The following EBAG9 variants were observed in gnomAD, a reference collection of about 807,000 sequenced individuals.
The protein encoded by EBAG9 is receptor-binding cancer antigen expressed on SiSo cells.
EBAG9 carries 16 observed loss-of-function variants against 30.9 expected under a neutral mutation model. The ratio of observed to expected loss-of-function variants is 0.52; its 90% CI spans 0.35 to 0.79. The LOEUF is 0.79. Among genes scored for constraint, EBAG9 ranks in the 30% least tolerant of loss-of-function variants. The probability of loss-of-function intolerance (pLI) is 0.01; values close to 1 mark genes in which losing one functional copy is unlikely to be tolerated. For missense variants in EBAG9, 197 were observed against 242.1 expected (o/e 0.81, Z 1.24); for synonymous variants, 93 against 82.8 (o/e 1.12, Z -0.67).
intron 1 of EBAG9, among the ~76,000 whole-genome samples, chr8:109,542,589 A>AT (rs1234666813): frequency 6.6e-6 from 1 of 151,824 alleles, no homozygotes; most frequent in African/African-American, 2.4e-5. Context: ...TTTTCTTATA[A>AT]TTTTTCAGAA....
At chr8:109,554,993 T>C (rs1225911412) in intron 4 of EBAG9, 106 bp downstream of exon 4, 1 of 1,227,806 alleles carries the variant, frequency 8.1e-7, no homozygotes, top group East Asian at 2.5e-5. Context: ...TTCTTTTTTT[T>C]TTTTTAATAC....
Position 109,564,481 on chromosome 8 carries a change from A to G in EBAG9, c.564A>G (p.Gln188=). 1.2e-6 allele frequency: 2 copies of G among 1,613,004 alleles called. No individual in the cohort carries two copies. Among genetic ancestry groups the G allele is most frequent in the Non-Finnish European group, 1.7e-6 (2 of 1,179,174 alleles). ...ACAGAGAAAAGAGAGCAGCCGAACA[A>G]CAAAGGAAGAAAATGGAAAAGGAAG... ...LADREKRAAE[Q]QRKKMEKEAQ... The change falls in exon 7 of 7, where the codon CAA becomes CAG. Residue 188 remains glutamine (Q), a synonymous_variant. Transcript: ENST00000337573.
chr8:109,542,083 A>G (rs1424094826), intron 1 of EBAG9, among the ~76,000 whole-genome samples: 1 of 152,214 alleles, frequency 6.6e-6, no homozygotes, highest in African/African-American at 2.4e-5. Context: ...AAACAAGGAC[A>G]ATAGTATCTA....
intron 1 of EBAG9, among the ~76,000 whole-genome samples, chr8:109,541,275 G>C (rs1335757289): frequency 1.3e-5 from 2 of 152,024 alleles, no homozygotes; most frequent in African/African-American, 4.8e-5. Flanking sequence ...GTGTAAAGTA[G>C]CGTAAGATAC....
At chr8:109,544,087 A>G (rs1186457077) in intron 1 of EBAG9, among the ~76,000 whole-genome samples, 1 of 151,746 alleles carries the variant, frequency 6.6e-6, no homozygotes, top group African/African-American at 2.4e-5. Flanking sequence ...GTATTTATCC[A>G]GGATGATTTT....
chr8:109,555,091 G>A (rs913517653), intron 4 of EBAG9, among the ~76,000 whole-genome samples: 1 of 151,156 alleles, frequency 6.6e-6, no homozygotes, highest in African/African-American at 2.4e-5. Flanking sequence ...CCATCAACTC[G>A]TCATTTAACA....
rs1821812689 is a variant in EBAG9 at position 109,565,678 on chromosome 8, A to G, written c.*1119A>G. Reference sequence around the variant, plus strand: ...GAAATGCATCCAGCCTGATTTTCCTATCATTTTGGAATTTTTAAGGATTTT... The same window carrying G: ...GAAATGCATCCAGCCTGATTTTCCTGTCATTTTGGAATTTTTAAGGATTTT... On this transcript the variant is annotated 3_prime_UTR_variant, in exon 7 of 7. Coordinates refer to ENST00000337573, the MANE Select transcript of EBAG9 (RefSeq NM_004215.5). The G allele has an allele frequency of 6.6e-6, 1 of 152,064 alleles. No individual in the cohort carries two copies. The allele number at this position is 152,064 out of a possible 1,614,324, so 9.4% of individuals were successfully genotyped here. A position where few individuals can be genotyped will look rare whatever the true frequency, so the allele number is the denominator to read the frequency against.
rs1821332256 is a variant in EBAG9 at position 109,543,955 on chromosome 8, A to T, written c.-16+3494A>T. Among the ~76,000 whole-genome samples the T allele has an allele frequency of 4.0e-5, 6 of 151,640 alleles. No homozygotes were observed. The South Asian group carries it at 1.3e-3, about 32-fold the overall frequency. Reference sequence around the variant, plus strand: ...TGAGGCACGAGAATAACTTGAACCCAGGAGACAGAGGTTGCAGTGAGCCAA... The same window carrying T: ...TGAGGCACGAGAATAACTTGAACCCTGGAGACAGAGGTTGCAGTGAGCCAA... On this transcript the variant is annotated intron_variant, in intron 1 of 6. Coordinates refer to ENST00000337573, the MANE Select transcript of EBAG9 (RefSeq NM_004215.5).
chr8:109,565,895 T>C lies in EBAG9; in HGVS notation c.*1336T>C, dbSNP rs1300729499. On this transcript the variant is annotated 3_prime_UTR_variant, in exon 7 of 7. Coordinates refer to ENST00000337573, the MANE Select transcript of EBAG9 (RefSeq NM_004215.5). Reference sequence around the variant, plus strand: ...GACTAAATGTGATTATAGAATAAGATGAAAGTTAACTTTGGTACAGAGCTT... The same window carrying C: ...GACTAAATGTGATTATAGAATAAGACGAAAGTTAACTTTGGTACAGAGCTT... The C allele has an allele frequency of 6.6e-6, 1 of 152,148 alleles. No homozygotes were observed. The highest frequency in any genetic ancestry group is 2.1e-4 in the South Asian group (1 of 4,836). 9.4% of individuals were successfully genotyped at this position (152,148 alleles called of 1,614,324 possible). A position where few individuals can be genotyped will look rare whatever the true frequency, so the allele number is the denominator to read the frequency against.
intron 5 of EBAG9, 28 bp downstream of exon 5, chr8:109,557,070 G>T: frequency 7.1e-7 from 1 of 1,407,174 alleles, no homozygotes; most frequent in Non-Finnish European, 9.8e-7. Context: ...TCTAGGGAAG[G>T]GTTTTGTTGT....
At chr8:109,541,530 G>C (rs1422548088) in intron 1 of EBAG9, among the ~76,000 whole-genome samples, 1 of 152,168 alleles carries the variant, frequency 6.6e-6, no homozygotes, top group Non-Finnish European at 1.5e-5. Context: ...TGTCTTGAGC[G>C]TTCAAGTGCT....
chr8:109,553,471 A>T (rs1315974253), intron 2 of EBAG9, among the ~76,000 whole-genome samples: 1 of 152,238 alleles, frequency 6.6e-6, no homozygotes, highest in Non-Finnish European at 1.5e-5. Context: ...AAGAAACCCC[A>T]TGTGTAAAAC....
intron 1 of EBAG9, chr8:109,550,426 A>T (rs919358255): frequency 2.6e-5 from 4 of 154,890 alleles, no homozygotes; most frequent in African/African-American, 9.6e-5. Context: ...TTCATCTGCA[A>T]GTTAAAAATA....
At chr8:109,556,167 CATAT>C (rs753192209) in intron 4 of EBAG9, among the ~76,000 whole-genome samples, 6 of 151,416 alleles carry the variant, frequency 4.0e-5, no homozygotes, top group Non-Finnish European at 8.9e-5. Context: ...ATATTTTTAT[CATAT>C]ATATATATAA....
rs1367635491 is a variant in EBAG9 at position 109,550,797 on chromosome 8, G to T, written c.-15-13G>T. On this transcript the variant is annotated splice_polypyrimidine_tract_variant and intron_variant, in intron 1 of 6. Transcript: ENST00000337573. ...CAATTTAATGCATTTTTTGTTTTGT[G>T]CCTCTTCCACAGGTTTTGATTCCCA... 2 of 1,516,860 alleles carry T rather than the reference G, an allele frequency of 1.3e-6. No homozygotes were observed. Among genetic ancestry groups the T allele is most frequent in the African/African-American group, 1.4e-5 (1 of 72,634 alleles). 94.0% of individuals were successfully genotyped at this position (1,516,860 alleles called of 1,614,324 possible).
intron 2 of EBAG9, among the ~76,000 whole-genome samples, chr8:109,553,471 A>G (rs1315974253): frequency 6.6e-6 from 1 of 152,238 alleles, no homozygotes; most frequent in Non-Finnish European, 1.5e-5. Flanking sequence ...AAGAAACCCC[A>G]TGTGTAAAAC....
chr8:109,543,988 C>T (rs965451101), intron 1 of EBAG9, among the ~76,000 whole-genome samples: 1 of 146,896 alleles, frequency 6.8e-6, no homozygotes, highest in Non-Finnish European at 1.5e-5. Context: ...CAAGATTGTA[C>T]TGCTACACTC....
At chr8:109,540,877 A>G (rs182002810) in intron 1 of EBAG9, among the ~76,000 whole-genome samples, 1 of 152,234 alleles carries the variant, frequency 6.6e-6, no homozygotes, top group Non-Finnish European at 1.5e-5. Flanking sequence ...TTAGAAATAC[A>G]GCACCTGTTT....
chr8:109,548,939 G>A (rs1586687963), intron 1 of EBAG9, among the ~76,000 whole-genome samples: 1 of 130,558 alleles, frequency 7.7e-6, no homozygotes, highest in South Asian at 2.3e-4. Context: ...CCACTACGAT[G>A]TTGACTAAAA....
Sources: gnomAD v4.1 joint callset for allele counts (sites outside exome capture counted in the v4.1 genomes callset) on GRCh38, gnomAD v4.1.1 for gene constraint, MANE v1.5 for transcripts, NCBI Gene and HGNC (gene_info 2026-07-23, HGNC 2026-07-21) for gene names.